NT5C3B: variants seen among roughly 807,000 people sequenced by gnomAD.
NT5C3B encodes the protein 5'-nucleotidase, cytosolic IIIB.
A neutral mutation model predicts 32.5 loss-of-function variants in NT5C3B; 28 were observed. The observed-to-expected ratio is 0.86, with a 90% CI of 0.64 to 1.18. The LOEUF (loss-of-function observed/expected upper bound fraction) is 1.18, where lower values mean the gene tolerates loss of function less well. Among genes scored for constraint, NT5C3B ranks in the 50% most tolerant of loss-of-function variants. NT5C3B has a pLI of 0.00. For synonymous variants in NT5C3B, 138 were observed against 118.0 expected, an observed-to-expected ratio of 1.17 and a Z score of -1.10; for missense variants, 317 against 322.0, an observed-to-expected ratio of 0.98 and a Z score of 0.12.
At position 41,827,495 on chromosome 17, in the gene NT5C3B, C is replaced by G; in HGVS notation, c.699G>C (p.Gly233=). 1 of 872,880 alleles carries G rather than the reference C, an allele frequency of 1.1e-6. No homozygotes were observed. The highest frequency in any genetic ancestry group is 1.6e-5 in the African/African-American group (1 of 61,388). The allele number at this position is 872,880 out of a possible 1,614,324, so 54.1% of individuals were successfully genotyped here. Residue 233 remains glycine, a synonymous_variant, in exon 8 of 9, where the codon GGG becomes GGC. Transcript: ENST00000435506. ...TNVILLGDSI[G]DLTMADGVPG... Reference sequence around the variant, plus strand: ...GAACCCCATCGGCCATGGTGAGGTCCCCGATAGAGTCTCCCAGCAGGATGA... The same window carrying G: ...GAACCCCATCGGCCATGGTGAGGTCGCCGATAGAGTCTCCCAGCAGGATGA...
At chr17:41,831,319 C>CAAAA (rs71155172) in intron 5 of NT5C3B, among the ~76,000 whole-genome samples, 1 of 110,136 alleles carries the variant, frequency 9.1e-6, no homozygotes, top group Non-Finnish European at 1.9e-5. Context: ...GACTCCATCT[C>CAAAA]AAAAAAAAAA....
intron 2 of NT5C3B, 132 bp from the exon 3 acceptor site, chr17:41,835,404 T>C (rs987935666): frequency 8.0e-6 from 6 of 748,586 alleles, no homozygotes; most frequent in Non-Finnish European, 1.4e-5. Context: ...CTAGGGGAGT[T>C]ACCGAGTGAC....
At chr17:41,833,085 G>C (rs1383396291) in intron 4 of NT5C3B, among the ~76,000 whole-genome samples, 6 of 152,150 alleles carry the variant, frequency 3.9e-5, no homozygotes, top group Non-Finnish European at 4.4e-5. Flanking sequence ...TACTCACCCT[G>C]AGAGTGAGGT....
chr17:41,835,320 G>C (rs782230510), intron 2 of NT5C3B, 48 bp from the exon 3 acceptor site: 1 of 1,497,514 alleles, frequency 6.7e-7, no homozygotes, highest in Non-Finnish European at 9.3e-7. Flanking sequence ...CAGAATTCTA[G>C]TGTGGCCCTG....
chr17:41,835,239 A>C lies in NT5C3B; in HGVS notation c.145T>G (p.Phe49Val). ...ISDFDMTLSR[F>V]AYNGKRCPSS... ...GGGCATCGCTTTCCATTATATGCAA[A>C]CCTGCTCAAGGTCATGTCAAAATCA... The change falls in exon 3 of 9, where the codon TTT (phenylalanine) becomes GTT (valine). Residue 49 changes from phenylalanine to valine, a missense_variant. Physicochemically the swap from Phe to Val is conservative, Grantham distance 50. Coordinates refer to ENST00000435506, the MANE Select transcript of NT5C3B (RefSeq NM_052935.5). 1 of 1,614,172 alleles carries C rather than the reference A, an allele frequency of 6.2e-7. No homozygotes were observed. Among genetic ancestry groups the C allele is most frequent in the Non-Finnish European group, 8.5e-7 (1 of 1,180,024 alleles).
chr17:41,827,373 GCATT>G, intron 8 of NT5C3B, 49 bp downstream of exon 8: 1 of 811,884 alleles, frequency 1.2e-6, no homozygotes, highest in Non-Finnish European at 2.2e-6. Context: ...TTGTTAATGG[GCATT>G]CAAAGAGAAG....
intron 4 of NT5C3B, 69 bp downstream of exon 4, chr17:41,835,001 G>A: frequency 6.8e-7 from 1 of 1,465,506 alleles, no homozygotes; most frequent in South Asian, 1.1e-5. Context: ...GGAATCTTTG[G>A]TTCCAATCAG....
At chr17:41,835,520 T>G in intron 2 of NT5C3B, 1 of 683,214 alleles carries the variant, frequency 1.5e-6, no homozygotes, top group Admixed American at 2.1e-5. Context: ...CCCCTCTGAC[T>G]CCTTCAATAT....
At chr17:41,835,828 C>T (rs2048142879) in intron 2 of NT5C3B, 31 bp downstream of exon 2, 3 of 1,575,748 alleles carry the variant, frequency 1.9e-6, no homozygotes, top group South Asian at 1.2e-5. Flanking sequence ...CCGCCCCCAG[C>T]CCGGCCGGCC....
At position 41,825,250 on chromosome 17, in the gene NT5C3B, A is replaced by T; in HGVS notation, c.*273T>A. On this transcript the variant is annotated 3_prime_UTR_variant, in exon 9 of 9. Coordinates refer to ENST00000435506, the MANE Select transcript of NT5C3B (RefSeq NM_052935.5). Reference sequence around the variant, plus strand: ...TTGTTTGAACTTCCCATGTTTAAAAATTTTGAAGAAAATCCCTGGAGTAGA... The same window carrying T: ...TTGTTTGAACTTCCCATGTTTAAAATTTTTGAAGAAAATCCCTGGAGTAGA... 5.1e-6 allele frequency: 2 copies of T among 394,272 alleles called. No individual in the cohort carries two copies. The highest frequency in any genetic ancestry group is 8.0e-5 in the Admixed American group (2 of 24,926). The allele number at this position is 394,272 out of a possible 1,614,324, so 24.4% of individuals were successfully genotyped here. A position where few individuals can be genotyped will look rare whatever the true frequency, so the allele number is the denominator to read the frequency against.
chr17:41,835,811 T>A, intron 2 of NT5C3B, 48 bp downstream of exon 2: 1 of 1,531,882 alleles, frequency 6.5e-7, no homozygotes. Context: ...GCAGGAAGCC[T>A]CTCCAGCCGC....
chr17:41,825,518 C>T lies in NT5C3B; in HGVS notation c.*5G>A, dbSNP rs996784252. ...GGCCTGCAGGCCGGGCTGGAGCCTG[C>T]GCCTTCAGGGGCCTTGCATCTCCAG... On this transcript the variant is annotated 3_prime_UTR_variant, in exon 9 of 9. Transcript: ENST00000435506. 25 of 871,346 alleles carry T rather than the reference C, an allele frequency of 2.9e-5. No homozygotes were observed. The highest frequency in any genetic ancestry group is 4.8e-5 in the East Asian group (2 of 41,708). The allele number at this position is 871,346 out of a possible 1,614,324, so 54.0% of individuals were successfully genotyped here. A position where few individuals can be genotyped will look rare whatever the true frequency, so the allele number is the denominator to read the frequency against.
At chr17:41,834,859 A>G (rs1555619557) in intron 4 of NT5C3B, among the ~76,000 whole-genome samples, 2 of 152,242 alleles carry the variant, frequency 1.3e-5, no homozygotes, top group African/African-American at 4.8e-5. Flanking sequence ...CAGTAAATAT[A>G]ATGTCCAGTT....
intron 5 of NT5C3B, among the ~76,000 whole-genome samples, chr17:41,832,064 G>GA (rs1364857424): frequency 4.0e-5 from 6 of 151,880 alleles, no homozygotes; most frequent in Non-Finnish European, 4.4e-5. Flanking sequence ...TCAAAAAATA[G>GA]AAAAAATATA....
intron 1 of NT5C3B, 97 bp from the exon 2 acceptor site, chr17:41,836,054 G>A: frequency 7.1e-7 from 1 of 1,405,216 alleles, no homozygotes; most frequent in Non-Finnish European, 9.3e-7. Context: ...GCGGGGCCGG[G>A]GTGCGCGAGG....
chr17:41,835,441 T>G (rs933205486), intron 2 of NT5C3B, 169 bp from the exon 3 acceptor site: 18 of 659,370 alleles, frequency 2.7e-5, no homozygotes, highest in Admixed American at 4.8e-5. Flanking sequence ...GAAGTGATCC[T>G]AATTAGTACC....
intron 6 of NT5C3B, among the ~76,000 whole-genome samples, chr17:41,830,251 C>T (rs1401803817): frequency 6.6e-6 from 1 of 152,248 alleles, no homozygotes; most frequent in Admixed American, 6.5e-5. Context: ...TGGCTCGCGC[C>T]TGTAATCCCA....
intron 6 of NT5C3B, among the ~76,000 whole-genome samples, chr17:41,829,413 T>G (rs2048017437): frequency 6.6e-6 from 1 of 152,186 alleles, no homozygotes; most frequent in Non-Finnish European, 1.5e-5. Context: ...GCGGTTAAAG[T>G]GTGCTAATCC....
At chr17:41,825,735 G>T in intron 8 of NT5C3B, 78 bp from the exon 9 acceptor site, 1 of 848,212 alleles carries the variant, frequency 1.2e-6, no homozygotes, top group Non-Finnish European at 2.0e-6. Context: ...AGCCCCTGGG[G>T]CTGGGGAGGA....
Sources: gnomAD v4.1 joint callset for allele counts (sites outside exome capture counted in the v4.1 genomes callset) on GRCh38, gnomAD v4.1.1 for gene constraint, MANE v1.5 for transcripts, NCBI Gene and HGNC (gene_info 2026-07-23, HGNC 2026-07-21) for gene names.